FAM3C: variants seen among roughly 807,000 people sequenced by gnomAD.
FAM3C encodes protein FAM3C.
A neutral mutation model predicts 32.5 loss-of-function variants in FAM3C; 15 were observed. That is an observed-to-expected ratio of 0.46 (90% CI 0.31 to 0.71). FAM3C has a LOEUF of 0.71. FAM3C is among the 30% of genes least tolerant of loss of function. The probability of loss-of-function intolerance (pLI) is 0.05; values close to 1 mark genes in which losing one functional copy is unlikely to be tolerated. For synonymous variants in FAM3C, 75 were observed against 86.1 expected (o/e 0.87, Z 0.72); for missense variants, 175 against 274.4 (o/e 0.64, Z 2.56).
chr7:121,359,398 T>C (rs1793877519), intron 8 of FAM3C, among the ~76,000 whole-genome samples: 1 of 151,956 alleles, frequency 6.6e-6, no homozygotes, highest in Non-Finnish European at 1.5e-5. Context: ...TAAGGGGAAA[T>C]ATTCACCACG....
At chr7:121,373,427 G>GT (rs1379915199) in intron 3 of FAM3C, among the ~76,000 whole-genome samples, 4 of 152,158 alleles carry the variant, frequency 2.6e-5, no homozygotes, top group Non-Finnish European at 5.9e-5. Context: ...AGCTGTCCAA[G>GT]TATAGAATAC....
At chr7:121,351,329 T>C in intron 8 of FAM3C, 60 bp from the exon 9 acceptor site, 1 of 1,424,324 alleles carries the variant, frequency 7.0e-7, no homozygotes, top group Non-Finnish European at 9.5e-7. Context: ...CTAATACTGG[T>C]TCACTGGGAT....
In FAM3C at chr7:121,360,145, G is replaced by A; in HGVS notation, c.383-18C>T. On this transcript the variant is annotated intron_variant, in intron 7 of 9. Transcript: ENST00000359943. Reference sequence around the variant, plus strand: ...TGCCACATCTGAAGAAAAAGAAAGGGTTTAGGGTTTTAAAAAATGACTGAA... The same window carrying A: ...TGCCACATCTGAAGAAAAAGAAAGGATTTAGGGTTTTAAAAAATGACTGAA... 4.3e-6 allele frequency: 6 copies of A among 1,405,632 alleles called. No individual in the cohort carries two copies. The highest frequency in any genetic ancestry group is 6.0e-6 in the Non-Finnish European group (6 of 994,930). 87.1% of individuals were successfully genotyped at this position (1,405,632 alleles called of 1,614,324 possible).
chr7:121,350,843 T>G (rs181445789), intron 9 of FAM3C, among the ~76,000 whole-genome samples: 3 of 152,306 alleles, frequency 2.0e-5, no homozygotes, highest in Admixed American at 1.3e-4. Context: ...TCACTGATTC[T>G]AAAATCCAAA....
At chr7:121,389,762 CAA>C (rs111461752) in intron 1 of FAM3C, among the ~76,000 whole-genome samples, 3 of 126,712 alleles carry the variant, frequency 2.4e-5, no homozygotes, top group Admixed American at 8.0e-5. Flanking sequence ...AGGAAAGTGG[CAA>C]AAAAAAAAAA....
At chr7:121,371,805 C>A (rs947786787) in intron 4 of FAM3C, among the ~76,000 whole-genome samples, 1 of 152,060 alleles carries the variant, frequency 6.6e-6, no homozygotes, top group Non-Finnish European at 1.5e-5. Context: ...CACAAAAAAT[C>A]GTCACCTCCA....
chr7:121,356,608 A>G (rs1401183832), intron 8 of FAM3C, among the ~76,000 whole-genome samples: 6 of 152,192 alleles, frequency 3.9e-5, no homozygotes, highest in Admixed American at 2.6e-4. Context: ...TTAAGTAGGT[A>G]GGGTGTTAAG....
At position 121,371,358 on chromosome 7, in the gene FAM3C, T is replaced by G; in HGVS notation, c.214A>C (p.Lys72Gln). ...ACGTTGGCTGCTCCACTTGCCATTT[T>G]AAAAGCAAAATGCTTCTCAGGGCAA... ...KACPEKHFAF[K>Q]MASGAANVVG... is the part of the protein sequence containing the mutation. Residue 72 changes from lysine to glutamine, a missense_variant, in exon 5 of 10, where the codon AAA becomes CAA. Coordinates refer to ENST00000359943, the MANE Select transcript of FAM3C (RefSeq NM_014888.3). 6.2e-7 allele frequency: 1 copy of G among 1,614,012 alleles called. No homozygotes were observed. The highest frequency in any genetic ancestry group is 8.5e-7 in the Non-Finnish European group (1 of 1,179,928).
At chr7:121,381,309 A>AT (rs930195246) in intron 2 of FAM3C, among the ~76,000 whole-genome samples, 6 of 152,186 alleles carry the variant, frequency 3.9e-5, no homozygotes, top group African/African-American at 7.2e-5. Context: ...AAGCAATCAG[A>AT]TTTTTTTAAA....
At chr7:121,393,262 T>C (rs1259188978) in intron 1 of FAM3C, among the ~76,000 whole-genome samples, 1 of 152,080 alleles carries the variant, frequency 6.6e-6, no homozygotes, top group Non-Finnish European at 1.5e-5. Flanking sequence ...TTGGCCAGCC[T>C]GTGCAAAATA....
intron 5 of FAM3C, among the ~76,000 whole-genome samples, chr7:121,367,184 C>T (rs986508431): frequency 9.2e-5 from 14 of 151,992 alleles, no homozygotes; most frequent in Non-Finnish European, 1.9e-4. Flanking sequence ...TATAAGGTAC[C>T]CCTTCCCACA....
intron 5 of FAM3C, among the ~76,000 whole-genome samples, chr7:121,367,383 G>C (rs2116905664): frequency 6.6e-6 from 1 of 152,126 alleles, no homozygotes; most frequent in East Asian, 1.9e-4. Context: ...CTGGTTTTTT[G>C]ATTTGTTTTA....
At chr7:121,361,586 A>G (rs1562885002) in intron 7 of FAM3C, among the ~76,000 whole-genome samples, 2 of 152,236 alleles carry the variant, frequency 1.3e-5, no homozygotes, top group South Asian at 4.1e-4. Flanking sequence ...TGCCTTTAGA[A>G]TCTAAAATTG....
chr7:121,378,838 A>T, intron 3 of FAM3C, 72 bp downstream of exon 3: 1 of 694,042 alleles, frequency 1.4e-6, no homozygotes, highest in South Asian at 2.0e-5. Flanking sequence ...TGAGTGACTC[A>T]GTGCTGATAA....
intron 8 of FAM3C, among the ~76,000 whole-genome samples, chr7:121,353,223 T>C (rs1793742637): frequency 6.6e-6 from 1 of 152,196 alleles, no homozygotes; most frequent in African/African-American, 2.4e-5. Flanking sequence ...AGTAAAATCT[T>C]ATCCAAGAAT....
At chr7:121,380,259 C>T (rs1311130724) in intron 2 of FAM3C, 1 of 151,980 alleles carries the variant, frequency 6.6e-6, no homozygotes, top group Non-Finnish European at 1.5e-5. Context: ...ATAACTTTTC[C>T]CTGTCCTGTA....
chr7:121,352,976 G>A (rs909975417), intron 8 of FAM3C, among the ~76,000 whole-genome samples: 4 of 152,196 alleles, frequency 2.6e-5, no homozygotes, highest in Non-Finnish European at 4.4e-5. Flanking sequence ...CTAGAGCACA[G>A]GCAGTAGGCT....
rs1468032424 is a variant in FAM3C at position 121,378,991 on chromosome 7, C to T, written c.37G>A (p.Val13Met). 3 of 1,572,786 alleles carry T rather than the reference C, an allele frequency of 1.9e-6. No homozygotes were observed. The highest frequency in any genetic ancestry group is 2.6e-6 in the Non-Finnish European group (3 of 1,162,624). The change falls in exon 3 of 10, where the codon GTG becomes ATG. Residue 13 changes from valine to methionine, a missense_variant. Val to Met is a conservative substitution (Grantham distance 21). Coordinates refer to ENST00000359943, the MANE Select transcript of FAM3C (RefSeq NM_014888.3). Reference sequence around the variant, plus strand: ...TAAAATGTCAGTAAAAACACTGCCACAGCTACCACCAACTTTGCAGCACCT... The same window carrying T: ...TAAAATGTCAGTAAAAACACTGCCATAGCTACCACCAACTTTGCAGCACCT... ...VAGAAKLVVA[V>M]AVFLLTFYVI...
intron 3 of FAM3C, among the ~76,000 whole-genome samples, chr7:121,376,348 C>T (rs961788790): frequency 3.9e-5 from 6 of 152,138 alleles, no homozygotes; most frequent in Admixed American, 1.3e-4. Flanking sequence ...TGACGGACAA[C>T]GACTACAATT....
Sources: allele counts gnomAD v4.1 joint callset (sites outside exome capture counted in the v4.1 genomes callset), GRCh38; gene constraint gnomAD v4.1.1; transcripts MANE v1.5; gene names NCBI Gene and HGNC (gene_info 2026-07-23, HGNC 2026-07-21).